The following ZNF805 variants were observed in gnomAD, a reference collection of about 807,000 sequenced individuals.
ZNF805 encodes the protein zinc finger protein 805, also known as CTC-444N24.8.
ZNF805 carries 7 observed loss-of-function variants against 13.6 expected under a neutral mutation model. That is an observed-to-expected ratio of 0.51 (90% CI 0.29 to 0.97). The LOEUF (loss-of-function observed/expected upper bound fraction) is 0.97. Among genes scored for constraint, ZNF805 ranks in the 50% least tolerant of loss-of-function variants. The pLI, the probability that ZNF805 is intolerant of heterozygous loss-of-function variation, is 0.08. For synonymous variants in ZNF805, 293 were observed against 279.8 expected, an observed-to-expected ratio of 1.05 and a Z score of -0.47; for missense variants, 604 against 771.0, an observed-to-expected ratio of 0.78 and a Z score of 2.57.
At chr19:57,244,158 T>G in intron 2 of ZNF805, 109 bp downstream of exon 2, 1 of 1,348,804 alleles carries the variant, frequency 7.4e-7, no homozygotes, top group Non-Finnish European at 9.9e-7. Context: ...CCTTGCCTCC[T>G]TCCCACAAAT....
chr19:57,248,786 T>TTGGGA, intron 3 of ZNF805, 86 bp downstream of exon 3: 1 of 1,232,244 alleles, frequency 8.1e-7, no homozygotes, highest in South Asian at 1.3e-5. Context: ...CTTGGGAAGC[T>TTGGGA]TCTCACTGTG....
intron 2 of ZNF805, among the ~76,000 whole-genome samples, chr19:57,247,055 G>A (rs1452115577): frequency 4.0e-5 from 6 of 148,394 alleles, no homozygotes; most frequent in Non-Finnish European, 1.5e-5. Flanking sequence ...TTTTGAGATG[G>A]AGTTTCACTC....
intron 2 of ZNF805, 105 bp from the exon 3 acceptor site, chr19:57,248,500 C>A: frequency 9.4e-7 from 1 of 1,069,448 alleles, no homozygotes; most frequent in Non-Finnish European, 1.4e-6. Flanking sequence ...ATGGGTGTAG[C>A]TTCATTCCAA....
intron 3 of ZNF805, among the ~76,000 whole-genome samples, chr19:57,249,253 C>G (rs1362421187): frequency 6.6e-6 from 1 of 152,088 alleles, no homozygotes; most frequent in Non-Finnish European, 1.5e-5. Context: ...ACATCTCACC[C>G]ATGGGAACTG....
chr19:57,253,451 T>C lies in ZNF805; in HGVS notation c.632T>C (p.Val211Ala), dbSNP rs538485010. ...NIFKCNECEK[V>A]FNKKRLLARH... The stretch of plus-strand genomic sequence containing the variant: ...TTTAAATGCAATGAATGTGAAAAAG[T>C]GTTTAACAAGAAACGCCTGCTTGCT... The change falls in exon 4 of 4, where the codon GTG (valine) becomes GCG (alanine). Residue 211 changes from valine (V) to alanine (A), a missense_variant. Coordinates refer to ENST00000414468, the MANE Select transcript of ZNF805 (RefSeq NM_001023563.4). This position sits in a 1 kb window ranked among gnomAD's most constrained non-coding sequence, Gnocchi z 4.4. The C allele has an allele frequency of 1.5e-4, 238 of 1,577,560 alleles. No individual in the cohort carries two copies. The highest frequency in any genetic ancestry group is 1.9e-4 in the Non-Finnish European group (220 of 1,161,106).
At chr19:57,246,560 G>A (rs1303500448) in intron 2 of ZNF805, among the ~76,000 whole-genome samples, 3 of 152,048 alleles carry the variant, frequency 2.0e-5, no homozygotes, top group Admixed American at 6.6e-5. Flanking sequence ...GGCAGATCAC[G>A]AGGTCAGTTG....
In ZNF805 at chr19:57,253,688, G is replaced by A. The variant is rs760153236; in HGVS notation, c.869G>A (p.Ser290Asn). The change falls in exon 4 of 4, where the codon AGT becomes AAT. Residue 290 changes from serine to asparagine, a missense_variant. Ser to Asn is a conservative substitution (Grantham distance 46). Transcript: ENST00000414468. This position sits in a 1 kb window ranked among gnomAD's most constrained non-coding sequence, Gnocchi z 4.4. Reference sequence around the variant, plus strand: ...AGTGGAGAGAAGCCTTATAAGTGCAGTGAATGTGGAAAGGCCTTCACCCAC... The same window carrying A: ...AGTGGAGAGAAGCCTTATAAGTGCAATGAATGTGGAAAGGCCTTCACCCAC... ...IHSGEKPYKC[S>N]ECGKAFTHRS... 6.8e-6 allele frequency: 11 copies of A among 1,613,916 alleles called. No individual in the cohort carries two copies. The highest frequency in any genetic ancestry group is 8.5e-6 in the Non-Finnish European group (10 of 1,179,946).
Position 57,258,851 on chromosome 19 carries a change from C to T in ZNF805, c.*4148C>T, listed in dbSNP as rs2087706387. The stretch of plus-strand genomic sequence containing the variant: ...CTTTCTGTTTGGCGAACTTGTGTAA[C>T]CTTTTTTCTAGGGTCAGTCTGCTGG... On this transcript the variant is annotated 3_prime_UTR_variant, in exon 4 of 4. Transcript: ENST00000414468. 6.6e-6 allele frequency among the ~76,000 whole-genome samples: 1 copy of T among 152,130 alleles called. No individual in the cohort carries two copies. The highest frequency in any genetic ancestry group is 1.5e-5 in the Non-Finnish European group (1 of 68,024).
Position 57,253,520 on chromosome 19 carries a change from CAG to C in ZNF805, c.704_705del (p.Glu235ValfsTer6), listed in dbSNP as rs763891762. 3.4e-5 allele frequency: 54 copies of C among 1,611,826 alleles called. No homozygotes were observed. The highest frequency in any genetic ancestry group is 7.7e-5 in the South Asian group (7 of 90,814). ...TCTGGAGTGAAGCCCTATGAATGCA[CAG>C]AGTGTGGAAAAACCTTTAGCAAGAG... On this transcript the variant is annotated frameshift_variant, in exon 4 of 4. Transcript: ENST00000414468. LOFTEE classifies it high-confidence loss of function. This position sits in a 1 kb window ranked among gnomAD's most constrained non-coding sequence, Gnocchi z 4.4.
intron 2 of ZNF805, 96 bp downstream of exon 2, chr19:57,244,145 T>C: frequency 7.0e-7 from 1 of 1,432,842 alleles, no homozygotes; most frequent in Non-Finnish European, 9.3e-7. Flanking sequence ...CCTCTCTTAC[T>C]GGCCTTGCCT....
chr19:57,253,476 T>C lies in ZNF805; in HGVS notation c.657T>C (p.Ala219=). The C allele has an allele frequency of 6.2e-7, 1 of 1,600,836 alleles. No individual in the cohort carries two copies. The highest frequency in any genetic ancestry group is 8.5e-7 in the Non-Finnish European group (1 of 1,172,958). ...EKVFNKKRLL[A]RHERIHSGVK... ...TGTTTAACAAGAAACGCCTGCTTGC[T>C]CGGCATGAGAGGATTCACTCTGGAG... Residue 219 remains alanine, a synonymous_variant, in exon 4 of 4, where the codon GCT becomes GCC. Coordinates refer to ENST00000414468, the MANE Select transcript of ZNF805 (RefSeq NM_001023563.4). The surrounding 1 kb of genome is among the most constrained non-coding windows in gnomAD (Gnocchi z 4.4).
In ZNF805 at chr19:57,254,592, GA is replaced by G. The variant is rs1209279527; in HGVS notation, c.1778del (p.Asn593ThrfsTer3). Reference sequence around the variant, plus strand: ...TCAACATCCAAGAACTTTTATTGGGGAAAAACTTTTTGAATGTCACCACTGA... The same window carrying G: ...TCAACATCCAAGAACTTTTATTGGGGAAAACTTTTTGAATGTCACCACTGA... ...SVNIQELLLG[K>X]NFLNVTTEEN... is the part of the protein sequence containing the mutation. On this transcript the variant is annotated frameshift_variant, in exon 4 of 4. Transcript: ENST00000414468. LOFTEE classifies it low-confidence loss of function (END_TRUNC). 4 of 1,613,972 alleles carry G rather than the reference GA, an allele frequency of 2.5e-6. No homozygotes were observed. The highest frequency in any genetic ancestry group is 1.3e-5 in the African/African-American group (1 of 74,918).
rs1349255622 is a variant in ZNF805, at chr19:57,260,009, T to A, written c.*5306T>A. ...CTTCTTAAATATTTCTGTCAACAGA[T>A]CTTATATCAGGGTGATCTGCATATC... is the stretch of plus-strand genomic sequence containing the variant. On this transcript the variant is annotated 3_prime_UTR_variant, in exon 4 of 4. Transcript: ENST00000414468. Among the ~76,000 whole-genome samples the A allele has an allele frequency of 6.6e-6, 1 of 152,190 alleles. No homozygotes were observed.
In ZNF805 at chr19:57,260,012, T is replaced by C. The variant is rs1272784861; in HGVS notation, c.*5309T>C. Among the ~76,000 whole-genome samples, 2 of 152,236 alleles carry C rather than the reference T, an allele frequency of 1.3e-5. No individual in the cohort carries two copies. The highest frequency in any genetic ancestry group is 2.9e-5 in the Non-Finnish European group (2 of 68,044). On this transcript the variant is annotated 3_prime_UTR_variant, in exon 4 of 4. Coordinates refer to ENST00000414468, the MANE Select transcript of ZNF805 (RefSeq NM_001023563.4). The stretch of plus-strand genomic sequence containing the variant: ...CTTAAATATTTCTGTCAACAGATCT[T>C]ATATCAGGGTGATCTGCATATCATT...
intron 2 of ZNF805, among the ~76,000 whole-genome samples, chr19:57,247,711 G>A (rs1242606630): frequency 6.6e-6 from 1 of 152,186 alleles, no homozygotes; most frequent in Non-Finnish European, 1.5e-5. Flanking sequence ...CACTTTCTGG[G>A]CAGCGTTGTG....
At chr19:57,241,082 G>A (rs756450136) in intron 1 of ZNF805, among the ~76,000 whole-genome samples, 161 bp downstream of exon 1, 2 of 152,168 alleles carry the variant, frequency 1.3e-5, no homozygotes, top group South Asian at 4.1e-4. Flanking sequence ...TGTCGTGGTA[G>A]TACCTGAGAG....
intron 3 of ZNF805, among the ~76,000 whole-genome samples, chr19:57,252,470 A>G (rs959255177): frequency 6.6e-6 from 1 of 152,232 alleles, no homozygotes; most frequent in Non-Finnish European, 1.5e-5. Context: ...GTGGGGCTGA[A>G]GGGGTTCCAA....
Position 57,250,693 on chromosome 19 carries a change from C to T in ZNF805, c.253+1993C>T, listed in dbSNP as rs182652423. Among the ~76,000 whole-genome samples the T allele has an allele frequency of 2.6e-5, 4 of 152,340 alleles. No individual in the cohort carries two copies. The East Asian group carries it at 7.7e-4, about 29-fold the overall frequency. On this transcript the variant is annotated intron_variant, in intron 3 of 3. Coordinates refer to ENST00000414468, the MANE Select transcript of ZNF805 (RefSeq NM_001023563.4). The stretch of plus-strand genomic sequence containing the variant: ...CTTGTTCCAGACAGTTAATATTTCC[C>T]CAGCAACTCAGCATATGACTGCTGA...
Position 57,256,982 on chromosome 19 carries a change from T to C in ZNF805, c.*2279T>C, listed in dbSNP as rs1308915863. 2.6e-5 allele frequency among the ~76,000 whole-genome samples: 4 copies of C among 152,204 alleles called. No individual in the cohort carries two copies. The highest frequency in any genetic ancestry group is 1.9e-4 in the East Asian group (1 of 5,202). On this transcript the variant is annotated 3_prime_UTR_variant, in exon 4 of 4. Transcript: ENST00000414468. ...TAGTTTCATCCCACAAGTCTTAATA[T>C]GCTTTTGATTATCTTACTCAGTTCT...
Sources: gnomAD v4.1 joint callset for allele counts (sites outside exome capture counted in the v4.1 genomes callset) on GRCh38, gnomAD v4.1.1 for gene constraint, Gnocchi (gnomAD v3.1) non-coding constraint, MANE v1.5 for transcripts, NCBI Gene and HGNC (gene_info 2026-07-23, HGNC 2026-07-21) for gene names.